DST: variants seen among roughly 807,000 people sequenced by gnomAD.
DST encodes bullous pemphigoid antigen.
Under a neutral mutation model 875.2 loss-of-function variants are expected in DST, and 253 were observed. The ratio of observed to expected loss-of-function variants is 0.29; its 90% CI spans 0.26 to 0.32. The LOEUF is 0.32. Among genes scored for constraint, DST ranks in the 10% least tolerant of loss-of-function variants. DST has a pLI of 1.00. For missense variants in DST, 8,287 were observed against 9,111.6 expected, an observed-to-expected ratio of 0.91 and a Z score of 3.68; for synonymous variants, 3,124 against 3,197.1, an observed-to-expected ratio of 0.98 and a Z score of 0.77.
intron 16 of DST, 41 bp downstream of exon 16, chr6:56,642,369 C>A (rs767036491): frequency 1.1e-5 from 15 of 1,386,214 alleles, no homozygotes; most frequent in East Asian, 6.8e-5. Context: ...CGCACAGTGA[C>A]TCCTCTACCA....
chr6:56,631,849 T>A (rs1587225371), intron 29 of DST, 34 bp downstream of exon 29: 1 of 1,602,324 alleles, frequency 6.2e-7, no homozygotes, highest in Non-Finnish European at 8.6e-7. Context: ...ATTAAGAGAG[T>A]TAGTTTTTTT....
chr6:56,634,068 G>A (rs961256899), intron 27 of DST, 64 bp downstream of exon 27: 17 of 1,585,096 alleles, frequency 1.1e-5, no homozygotes, highest in African/African-American at 8.1e-5. Context: ...CAAACTCTAC[G>A]ACACATATGA....
intron 10 of DST, among the ~76,000 whole-genome samples, chr6:56,659,479 G>A (rs2099027652): frequency 6.6e-6 from 1 of 152,120 alleles, no homozygotes; most frequent in African/African-American, 2.4e-5. Flanking sequence ...AGAAAAGAAT[G>A]GCCAATAGGG....
intron 3 of DST, among the ~76,000 whole-genome samples, chr6:56,855,595 T>C (rs1165733523): frequency 1.3e-5 from 2 of 152,238 alleles, no homozygotes; most frequent in Non-Finnish European, 2.9e-5. Context: ...TCATACCACA[T>C]TGTTTATTGT....
In DST at chr6:56,669,943, A is replaced by C. The variant is rs559877921; in HGVS notation, c.1214+698T>G. 5.9e-5 allele frequency among the ~76,000 whole-genome samples: 9 copies of C among 152,340 alleles called. No individual in the cohort carries two copies. In the South Asian group the frequency reaches 1.9e-3, roughly 32 times the overall value. On this transcript the variant is annotated intron_variant, in intron 10 of 103. Transcript: ENST00000680361. ...AACTATTTACCACCCCAAAACTGGCAATTGTTAAGCCCACTCACTAGAGTA... is the reference window on the plus strand; with the variant it reads ...AACTATTTACCACCCCAAAACTGGCCATTGTTAAGCCCACTCACTAGAGTA...
chr6:56,486,362 CAAAAA>C (rs61164880), intron 87 of DST, among the ~76,000 whole-genome samples: 1 of 34,042 alleles, frequency 2.9e-5, no homozygotes, highest in Non-Finnish European at 5.6e-5. Context: ...GACTCCGTCT[CAAAAA>C]AAAAAAAAAA....
At chr6:56,702,717 T>TAGCA (rs1238267918) in intron 7 of DST, among the ~76,000 whole-genome samples, 1 of 152,144 alleles carries the variant, frequency 6.6e-6, no homozygotes, top group African/African-American at 2.4e-5. Context: ...TGTTACAAGT[T>TAGCA]AGCATGAAGG....
rs774537946 is a variant in DST, at chr6:56,555,756, C to T, written c.14725G>A (p.Glu4909Lys). 3 of 1,598,738 alleles carry T rather than the reference C, an allele frequency of 1.9e-6. No individual in the cohort carries two copies. Among genetic ancestry groups the T allele is most frequent in the Admixed American group, 3.4e-5 (2 of 59,642 alleles). ...AGQGILSRPGEDPSLRGIVKE... is the reference protein window; with the variant it reads ...AGQGILSRPGKDPSLRGIVKE... The stretch of plus-strand genomic sequence containing the variant: ...ACAATCCCACGTAAAGAAGGGTCTT[C>T]TCCAGGCCTGCTCAGAATGCCCTGA... Residue 4909 changes from glutamate to lysine, a missense_variant, in exon 60 of 104, where the codon GAA becomes AAA. Transcript: ENST00000680361.
At chr6:56,629,806 A>T (rs2098762755) in intron 31 of DST, among the ~76,000 whole-genome samples, 1 of 152,208 alleles carries the variant, frequency 6.6e-6, no homozygotes, top group Non-Finnish European at 1.5e-5. Context: ...ATTAAAAATC[A>T]CTGAGATAAC....
chr6:56,896,553 C>A (rs1391377333), intron 3 of DST, among the ~76,000 whole-genome samples: 2 of 152,200 alleles, frequency 1.3e-5, no homozygotes, highest in Admixed American at 6.5e-5. Flanking sequence ...AATACAGTGG[C>A]TGTACTAGTT....
chr6:56,476,433 C>A (rs2095191482), intron 91 of DST, 96 bp from the exon 92 acceptor site: 1 of 1,129,764 alleles, frequency 8.9e-7, no homozygotes, highest in South Asian at 1.7e-5. Context: ...AAATTAGGAT[C>A]ATCCTGAGCT....
In DST at chr6:56,788,472, G is replaced by A. The variant is rs142549497; in HGVS notation, c.626-53183C>T. ...GCTTGGATTACAGATGTGAGCCATC[G>A]CTCCCAGCCTAAGTATTATGTTCTT... On this transcript the variant is annotated intron_variant, in intron 4 of 103. Coordinates refer to ENST00000680361, the MANE Select transcript of DST (RefSeq NM_001374736.1). Among the ~76,000 whole-genome samples the A allele has an allele frequency of 3.5e-3, 531 of 152,032 alleles. 4 individuals carry two copies. Among genetic ancestry groups the A allele is most frequent in the African/African-American group, 0.012 (506 of 41,474 alleles).
intron 36 of DST, among the ~76,000 whole-genome samples, chr6:56,624,177 T>G (rs540759373): frequency 6.6e-6 from 1 of 152,134 alleles, no homozygotes; most frequent in Non-Finnish European, 1.5e-5. Context: ...GCAGTAACTA[T>G]ACTTCAAAGA....
At chr6:56,503,695 T>G (rs1220297347) in intron 78 of DST, among the ~76,000 whole-genome samples, 1 of 151,630 alleles carries the variant, frequency 6.6e-6, no homozygotes, top group East Asian at 1.9e-4. Flanking sequence ...GATCTCTAGG[T>G]ATATAACATT....
intron 2 of DST, among the ~76,000 whole-genome samples, chr6:56,912,489 C>A (rs918854047): frequency 2.0e-5 from 3 of 152,212 alleles, no homozygotes; most frequent in Non-Finnish European, 4.4e-5. Flanking sequence ...AACAGCACTT[C>A]TTTAACCTCT....
intron 53 of DST, among the ~76,000 whole-genome samples, chr6:56,570,645 C>A (rs933039583): frequency 2.0e-5 from 3 of 152,134 alleles, no homozygotes; most frequent in African/African-American, 7.2e-5. Context: ...TCATAATAGG[C>A]CATAGACCAG....
intron 72 of DST, among the ~76,000 whole-genome samples, chr6:56,512,286 T>A (rs1002984009): frequency 6.6e-6 from 1 of 152,208 alleles, no homozygotes; most frequent in Non-Finnish European, 1.5e-5. Flanking sequence ...TGGATCCCCA[T>A]TCCCTTTAAT....
intron 67 of DST, 39 bp from the exon 68 acceptor site, chr6:56,527,773 A>G: frequency 1.3e-6 from 2 of 1,559,946 alleles, no homozygotes; most frequent in Non-Finnish European, 1.7e-6. Flanking sequence ...ATGAAGGAAA[A>G]AAAAGGCAGG....
chr6:56,593,994 A>G lies in DST; in HGVS notation c.12395T>C (p.Leu4132Pro), dbSNP rs1586017190. ...ATCAAACTTTTCTAATTCTTCCTGC[A>G]GAGAGTGAGTTAACTTCATTTTCTT... is the stretch of plus-strand genomic sequence containing the variant. ...SEKKMKLTHS[L>P]QEELEKFDAD... Residue 4132 changes from leucine (L) to proline (P), a missense_variant, in exon 48 of 104, where the codon CTG becomes CCG. By Grantham distance (98) the Leu-to-Pro change is moderately conservative (BLOSUM62 -3). Coordinates refer to ENST00000680361, the MANE Select transcript of DST (RefSeq NM_001374736.1). The G allele has an allele frequency of 6.2e-7, 1 of 1,613,922 alleles. No individual in the cohort carries two copies. The highest frequency in any genetic ancestry group is 2.2e-5 in the East Asian group (1 of 44,866).
Sources: allele counts gnomAD v4.1 joint callset (sites outside exome capture counted in the v4.1 genomes callset), GRCh38; gene constraint gnomAD v4.1.1; transcripts MANE v1.5; gene names NCBI Gene and HGNC (gene_info 2026-07-23, HGNC 2026-07-21).